MSRB3: variants seen among roughly 807,000 people sequenced by gnomAD.
The protein encoded by MSRB3 is methionine-R-sulfoxide reductase B3.
A neutral mutation model predicts 21.0 loss-of-function variants in MSRB3; 13 were observed. The observed-to-expected ratio is 0.62, with a 90% CI of 0.40 to 0.98. MSRB3 has a LOEUF of 0.98. Ranked by LOEUF, MSRB3 falls within the 50% of genes least tolerant of loss-of-function variation. The probability of loss-of-function intolerance (pLI) is 0.00; values close to 1 mark genes in which losing one functional copy is unlikely to be tolerated. For missense variants in MSRB3, 199 were observed against 230.3 expected (o/e 0.86, Z 0.88); for synonymous variants, 87 against 88.6 (o/e 0.98, Z 0.10).
intron 5 of MSRB3, among the ~76,000 whole-genome samples, chr12:65,430,505 T>A (rs1156862381): frequency 6.6e-6 from 1 of 152,146 alleles, no homozygotes; most frequent in Non-Finnish European, 1.5e-5. Flanking sequence ...AATTTTGAAT[T>A]GGAATTAAGT....
intron 4 of MSRB3, among the ~76,000 whole-genome samples, chr12:65,350,458 A>G (rs1405309792): frequency 6.6e-6 from 1 of 151,478 alleles, no homozygotes; most frequent in Non-Finnish European, 1.5e-5. Context: ...TTCACACGTA[A>G]CAATATTAAC....
At chr12:65,386,208 GTTC>G (rs1465181401) in intron 5 of MSRB3, among the ~76,000 whole-genome samples, 1 of 151,724 alleles carries the variant, frequency 6.6e-6, no homozygotes, top group Non-Finnish European at 1.5e-5. Flanking sequence ...TTGTGCTGTA[GTTC>G]TTCTTTGGCT....
intron 1 of MSRB3, chr12:65,279,350 G>C (rs1871864975): frequency 6.6e-6 from 1 of 152,540 alleles, no homozygotes; most frequent in African/African-American, 2.4e-5. Flanking sequence ...CGCGCGCCTC[G>C]GAGAGGACGG....
intron 1 of MSRB3, among the ~76,000 whole-genome samples, chr12:65,280,653 T>G (rs1349162036): frequency 2.0e-5 from 3 of 152,056 alleles, no homozygotes; most frequent in African/African-American, 7.3e-5. Flanking sequence ...ATCTGGAAAT[T>G]TTTATATTAA....
At chr12:65,420,606 T>A (rs917155999) in intron 5 of MSRB3, among the ~76,000 whole-genome samples, 2 of 152,144 alleles carry the variant, frequency 1.3e-5, no homozygotes, top group African/African-American at 4.8e-5. Flanking sequence ...ATAGTGATTT[T>A]TCCTGATCCT....
chr12:65,460,700 T>C (rs868626683), intron 6 of MSRB3, among the ~76,000 whole-genome samples: 1 of 152,078 alleles, frequency 6.6e-6, no homozygotes, highest in South Asian at 2.1e-4. Context: ...CAAATAGTTT[T>C]CATAGTCTTT....
chr12:65,460,662 C>T (rs530048480), intron 6 of MSRB3, among the ~76,000 whole-genome samples: 12 of 152,018 alleles, frequency 7.9e-5, no homozygotes, highest in Non-Finnish European at 1.5e-4. Context: ...ATTTTTCTAC[C>T]CCCATCCTCA....
intron 4 of MSRB3, among the ~76,000 whole-genome samples, chr12:65,362,285 A>G (rs1006541761): frequency 6.6e-6 from 1 of 152,176 alleles, no homozygotes; most frequent in Non-Finnish European, 1.5e-5. Context: ...GGAAAGATAG[A>G]AAAAGGGCCT....
At chr12:65,300,685 T>C (rs969208091) in intron 1 of MSRB3, among the ~76,000 whole-genome samples, 1 of 152,256 alleles carries the variant, frequency 6.6e-6, no homozygotes, top group Non-Finnish European at 1.5e-5. Context: ...TTTAAAATGC[T>C]GAAGGTTTAG....
chr12:65,452,414 C>G (rs1882896740), intron 5 of MSRB3, among the ~76,000 whole-genome samples: 1 of 152,044 alleles, frequency 6.6e-6, no homozygotes, highest in South Asian at 2.1e-4. Flanking sequence ...CCATTGTAAA[C>G]CAAATATTAT....
intron 5 of MSRB3, chr12:65,419,547 A>G (rs1190295755): frequency 6.7e-6 from 5 of 741,466 alleles, no homozygotes; most frequent in Non-Finnish European, 1.3e-5. Flanking sequence ...CAGCAGCAAG[A>G]TGGGCATTGT....
chr12:65,344,388 A>G (rs1022326722), intron 4 of MSRB3, among the ~76,000 whole-genome samples: 12 of 151,912 alleles, frequency 7.9e-5, no homozygotes, highest in African/African-American at 2.9e-4. Context: ...GAAAAGAGCA[A>G]TTTTGCTTAT....
At chr12:65,442,813 G>A (rs541921856) in intron 5 of MSRB3, among the ~76,000 whole-genome samples, 1 of 152,202 alleles carries the variant, frequency 6.6e-6, no homozygotes, top group African/African-American at 2.4e-5. Flanking sequence ...GCTGTTACAT[G>A]TGATGTAGCT....
chr12:65,348,487 AT>A (rs1209584857), intron 4 of MSRB3, among the ~76,000 whole-genome samples: 1 of 151,438 alleles, frequency 6.6e-6, no homozygotes, highest in Non-Finnish European at 1.5e-5. Flanking sequence ...TTTCTTCTTT[AT>A]TAGTCTTGCT....
At chr12:65,442,254 G>C (rs1180255229) in intron 5 of MSRB3, among the ~76,000 whole-genome samples, 1 of 151,912 alleles carries the variant, frequency 6.6e-6, no homozygotes, top group Non-Finnish European at 1.5e-5. Context: ...AGAATGTTGA[G>C]ACTTAACTGC....
At chr12:65,373,501 C>T (rs1437808842) in intron 5 of MSRB3, among the ~76,000 whole-genome samples, 3 of 151,886 alleles carry the variant, frequency 2.0e-5, no homozygotes, top group African/African-American at 7.3e-5. Flanking sequence ...GGTCCATAAA[C>T]ATTCAAAACA....
chr12:65,322,719 G>T (rs1314584218), intron 2 of MSRB3, among the ~76,000 whole-genome samples: 2 of 150,822 alleles, frequency 1.3e-5, no homozygotes, highest in African/African-American at 4.9e-5. Context: ...GAGTTTTGCA[G>T]TCAGACAGCC....
intron 5 of MSRB3, among the ~76,000 whole-genome samples, chr12:65,373,401 A>T (rs1298340553): frequency 6.6e-6 from 1 of 152,216 alleles, no homozygotes; most frequent in East Asian, 1.9e-4. Flanking sequence ...GATGTGAAGG[A>T]CAGCTTGTAC....
chr12:65,411,614 A>G (rs1592611721), intron 5 of MSRB3, among the ~76,000 whole-genome samples: 1 of 152,022 alleles, frequency 6.6e-6, no homozygotes, highest in South Asian at 2.1e-4. Flanking sequence ...CAGGCATTCA[A>G]TCATTCATGC....
Sources: allele counts gnomAD v4.1 joint callset (sites outside exome capture counted in the v4.1 genomes callset), GRCh38; gene constraint gnomAD v4.1.1; transcripts MANE v1.5; gene names NCBI Gene and HGNC (gene_info 2026-07-23, HGNC 2026-07-21).